Variants in POU6F1 observed in about 807,000 individuals in gnomAD.
POU6F1 encodes the protein POU class 6 homeobox 1, also known as POU domain, class 6, transcription factor 1.
POU6F1 carries 9 observed loss-of-function variants against 28.9 expected under a neutral mutation model. The ratio of observed to expected loss-of-function variants is 0.31; its 90% CI spans 0.19 to 0.54. The LOEUF is 0.54. Among genes scored for constraint, POU6F1 ranks in the 20% least tolerant of loss-of-function variants. POU6F1 has a pLI of 0.94. For missense variants in POU6F1, 338 were observed against 426.1 expected, an observed-to-expected ratio of 0.79 and a Z score of 1.82; for synonymous variants, 173 against 171.1, an observed-to-expected ratio of 1.01 and a Z score of -0.09.
chr12:51,203,408 G>A (rs1943357146), intron 3 of POU6F1, among the ~76,000 whole-genome samples: 1 of 152,082 alleles, frequency 6.6e-6, no homozygotes, highest in Admixed American at 6.6e-5. Context: ...TGCCCCTTGG[G>A]AACAGGTGAT....
intron 1 of POU6F1, chr12:51,207,459 G>A (rs768941188): frequency 2.0e-5 from 3 of 152,150 alleles, no homozygotes; most frequent in Non-Finnish European, 2.9e-5. Flanking sequence ...TCCCCAGTCC[G>A]GTGGGAGAGC....
rs1942287775 is a variant in POU6F1, at chr12:51,190,101, GATGCAC to G, written c.*140_*145del. 2 of 1,350,824 alleles carry G rather than the reference GATGCAC, an allele frequency of 1.5e-6. No individual in the cohort carries two copies. Among genetic ancestry groups the G allele is most frequent in the South Asian group, 3.0e-5 (2 of 66,868 alleles). 83.7% of individuals were successfully genotyped at this position (1,350,824 alleles called of 1,614,324 possible). A position where few individuals can be genotyped will look rare whatever the true frequency, so the allele number is the denominator to read the frequency against. ...ATGTGTGGGAGAAAAGAGGGACATT[GATGCAC>G]ATGCACACGGTGGAGTCTGATGACC... On this transcript the variant is annotated 3_prime_UTR_variant, in exon 11 of 11. Coordinates refer to ENST00000333640, the MANE Select transcript of POU6F1 (RefSeq NM_001330422.2). This position sits in a 1 kb window ranked among gnomAD's most constrained non-coding sequence, Gnocchi z 4.5.
chr12:51,193,075 G>T (rs1207160456), intron 8 of POU6F1, among the ~76,000 whole-genome samples: 2 of 152,160 alleles, frequency 1.3e-5, no homozygotes, highest in Non-Finnish European at 2.9e-5. Flanking sequence ...CTTGGCCAAA[G>T]CCCCAACAAG....
intron 6 of POU6F1, among the ~76,000 whole-genome samples, chr12:51,197,242 C>T (rs959433608): frequency 6.6e-5 from 10 of 151,650 alleles, no homozygotes; most frequent in Non-Finnish European, 1.3e-4. Context: ...AGGGGTCTAC[C>T]GGCTGGATGG....
At chr12:51,200,008 G>A (rs754209566) in intron 3 of POU6F1, 140 bp from the exon 4 acceptor site, 2 of 397,954 alleles carry the variant, frequency 5.0e-6, no homozygotes, top group South Asian at 1.4e-4. Context: ...CATAGCCCAA[G>A]ACCAATTGTT....
chr12:51,194,910 G>A (rs1334080067), intron 8 of POU6F1, among the ~76,000 whole-genome samples: 3 of 152,080 alleles, frequency 2.0e-5, no homozygotes, highest in Non-Finnish European at 4.4e-5. Context: ...CTGCATTTGC[G>A]AACCACTGGC....
intron 1 of POU6F1, among the ~76,000 whole-genome samples, chr12:51,212,754 C>A (rs1944075139): frequency 1.4e-5 from 1 of 73,796 alleles, no homozygotes; most frequent in African/African-American, 5.2e-5. Context: ...CCAGCCTGGG[C>A]AACAAGAGTG....
chr12:51,205,429 T>C (rs1345924310), intron 2 of POU6F1, among the ~76,000 whole-genome samples: 1 of 152,314 alleles, frequency 6.6e-6, no homozygotes, highest in East Asian at 1.9e-4. Context: ...TCTCCATGCA[T>C]GAGCGATGCA....
At chr12:51,198,889 C>T (rs376094562) in intron 4 of POU6F1, 114 bp from the exon 5 acceptor site, 6 of 396,696 alleles carry the variant, frequency 1.5e-5, no homozygotes, top group Non-Finnish European at 2.2e-5. Context: ...ATTCTGAGGG[C>T]GATGGGCCGA....
chr12:51,209,045 C>T (rs1943815038), intron 1 of POU6F1, among the ~76,000 whole-genome samples: 1 of 152,218 alleles, frequency 6.6e-6, no homozygotes, highest in South Asian at 2.1e-4. Flanking sequence ...GACTTCCCAC[C>T]TTCAGTACTA....
Position 51,190,039 on chromosome 12 carries a change from T to G in POU6F1, c.*208A>C, listed in dbSNP as rs1942283951. On this transcript the variant is annotated 3_prime_UTR_variant, in exon 11 of 11. Transcript: ENST00000333640. This position sits in a 1 kb window ranked among gnomAD's most constrained non-coding sequence, Gnocchi z 4.5. Reference sequence around the variant, plus strand: ...GAGTGACCAGCCCAGAGCCTGGAGCTCTCGTGTGGCCCCCTCTGGCCTCCC... The same window carrying G: ...GAGTGACCAGCCCAGAGCCTGGAGCGCTCGTGTGGCCCCCTCTGGCCTCCC... The G allele has an allele frequency of 2.3e-6, 2 of 881,846 alleles. No individual in the cohort carries two copies. Among genetic ancestry groups the G allele is most frequent in the African/African-American group, 3.4e-5 (2 of 58,966 alleles). The allele number at this position is 881,846 out of a possible 1,614,324, so 54.6% of individuals were successfully genotyped here.
chr12:51,196,776 C>T (rs777698039), intron 7 of POU6F1, 23 bp downstream of exon 7: 2 of 1,613,432 alleles, frequency 1.2e-6, no homozygotes, highest in Admixed American at 1.7e-5. Flanking sequence ...CCCCACCCTC[C>T]AGCCCTGTCT....
intron 9 of POU6F1, among the ~76,000 whole-genome samples, chr12:51,191,995 C>T (rs1403298683): frequency 6.6e-6 from 1 of 152,220 alleles, no homozygotes; most frequent in Non-Finnish European, 1.5e-5. Context: ...CCAGCTCTAA[C>T]TGCTCACCCT....
At chr12:51,200,505 G>T (rs79886614) in intron 3 of POU6F1, among the ~76,000 whole-genome samples, 1 of 152,082 alleles carries the variant, frequency 6.6e-6, no homozygotes, top group African/African-American at 2.4e-5. Flanking sequence ...TGAATTTCCC[G>T]TGACCTGCAG....
intron 3 of POU6F1, among the ~76,000 whole-genome samples, chr12:51,203,939 C>T (rs1485380276): frequency 2.0e-5 from 3 of 152,168 alleles, no homozygotes; most frequent in Non-Finnish European, 2.9e-5. Flanking sequence ...CCCACCTCAC[C>T]CTGATCCATC....
In POU6F1 at chr12:51,204,306, G is replaced by A. The variant is rs979554062; in HGVS notation, c.111C>T (p.Leu37=). 2.0e-5 allele frequency: 8 copies of A among 399,212 alleles called. No homozygotes were observed. In the South Asian group the frequency reaches 6.4e-4, roughly 32 times the overall value. The allele number at this position is 399,212 out of a possible 1,614,324, so 24.7% of individuals were successfully genotyped here. The part of the protein sequence containing the change: ...RVLEVGVDAQ[L]PAEEESKGLE... ...GTCCTTTGCTCTCTTCCTCAGCAGGGAGTTGGGCATCCACTCCGACTTCCA... is the reference window on the plus strand; with the variant it reads ...GTCCTTTGCTCTCTTCCTCAGCAGGAAGTTGGGCATCCACTCCGACTTCCA... The change falls in exon 3 of 11, where the codon CTC becomes CTT. Residue 37 remains leucine (L), a synonymous_variant. Transcript: ENST00000333640.
intron 8 of POU6F1, among the ~76,000 whole-genome samples, chr12:51,192,896 C>T (rs1235277456): frequency 2.7e-5 from 4 of 150,218 alleles, no homozygotes; most frequent in Admixed American, 2.6e-4. Flanking sequence ...CAGAGTGAGA[C>T]TCCGTCTCAA....
At chr12:51,193,188 A>G (rs1942558359) in intron 8 of POU6F1, among the ~76,000 whole-genome samples, 1 of 152,206 alleles carries the variant, frequency 6.6e-6, no homozygotes, top group Admixed American at 6.5e-5. Flanking sequence ...TGAACAGGGA[A>G]ACTGGCAGAT....
At chr12:51,193,185 G>C (rs772363793) in intron 8 of POU6F1, among the ~76,000 whole-genome samples, 3 of 152,196 alleles carry the variant, frequency 2.0e-5, no homozygotes, top group Non-Finnish European at 4.4e-5. Context: ...CATTGAACAG[G>C]GAAACTGGCA....
Sources: gnomAD v4.1 joint callset for allele counts (sites outside exome capture counted in the v4.1 genomes callset) on GRCh38, gnomAD v4.1.1 for gene constraint, Gnocchi (gnomAD v3.1) non-coding constraint, MANE v1.5 for transcripts, NCBI Gene and HGNC (gene_info 2026-07-23, HGNC 2026-07-21) for gene names.